Variants in PHKB observed in about 807,000 individuals in gnomAD.
The protein encoded by PHKB is phosphorylase b kinase regulatory subunit beta.
Under a neutral mutation model 152.1 loss-of-function variants are expected in PHKB, and 122 were observed. That is an observed-to-expected ratio of 0.80 (90% CI 0.69 to 0.93). PHKB has a LOEUF of 0.93. PHKB is among the 40% of genes least tolerant of loss of function. The pLI is 0.00. For synonymous variants in PHKB, 436 were observed against 464.9 expected (o/e 0.94, Z 0.80); for missense variants, 1,304 against 1,328.4 (o/e 0.98, Z 0.29).
chr16:47,621,598 A>T (rs1269148065), intron 14 of PHKB, among the ~76,000 whole-genome samples: 2 of 152,230 alleles, frequency 1.3e-5, no homozygotes, highest in Admixed American at 1.3e-4. Flanking sequence ...AAAAAATAAC[A>T]ACAACAACTT....
chr16:47,586,716 T>C (rs1292759959), intron 8 of PHKB, among the ~76,000 whole-genome samples: 2 of 152,152 alleles, frequency 1.3e-5, no homozygotes, highest in Non-Finnish European at 1.5e-5. Context: ...ACATGAAATT[T>C]ATAATTCTCT....
At chr16:47,694,978 T>G (rs1263776042) in intron 28 of PHKB, among the ~76,000 whole-genome samples, 1 of 152,208 alleles carries the variant, frequency 6.6e-6, no homozygotes, top group African/African-American at 2.4e-5. Context: ...CACCAAGCAC[T>G]TTTCTAAGTG....
chr16:47,669,512 T>C, intron 26 of PHKB, 95 bp downstream of exon 26: 2 of 1,096,626 alleles, frequency 1.8e-6, no homozygotes, highest in Admixed American at 1.7e-5. Flanking sequence ...TCCTGGTGTC[T>C]GGTGAGTATT....
At chr16:47,657,443 G>C (rs1485516488) in intron 20 of PHKB, among the ~76,000 whole-genome samples, 1 of 152,168 alleles carries the variant, frequency 6.6e-6, no homozygotes, top group Non-Finnish European at 1.5e-5. Context: ...AGGTAGGATG[G>C]TCTGTTGGAA....
intron 7 of PHKB, among the ~76,000 whole-genome samples, chr16:47,572,412 A>G (rs1971676801): frequency 6.6e-6 from 1 of 152,036 alleles, no homozygotes. Context: ...GTAACACTCT[A>G]TTTGGGATGT....
rs1014249904 is a variant in PHKB at position 47,696,658 on chromosome 16, C to T, written c.3003+170C>T. Among the ~76,000 whole-genome samples, 6 of 152,196 alleles carry T rather than the reference C, an allele frequency of 3.9e-5. No homozygotes were observed. The South Asian group carries it at 8.3e-4, about 21-fold the overall frequency. On this transcript the variant is annotated intron_variant, in intron 29 of 30. Coordinates refer to ENST00000323584, the MANE Select transcript of PHKB (RefSeq NM_000293.3). ...TTCCGGAACCTTGATCTCTCCCAGC[C>T]GAGTCCTCAAGAAGATGGCCACCCC... is the stretch of plus-strand genomic sequence containing the variant.
chr16:47,593,779 C>T (rs1172123566), intron 11 of PHKB, among the ~76,000 whole-genome samples: 1 of 151,912 alleles, frequency 6.6e-6, no homozygotes, highest in African/African-American at 2.4e-5. Context: ...CACTTGGAAG[C>T]ATTTAAAAAA....
At chr16:47,546,025 A>G (rs1299121347) in intron 6 of PHKB, among the ~76,000 whole-genome samples, 5 of 152,198 alleles carry the variant, frequency 3.3e-5, no homozygotes, top group African/African-American at 4.8e-5. Context: ...CTTCCTTGCA[A>G]TGGGTTCTAA....
chr16:47,470,640 T>G (rs1485508032), intron 1 of PHKB, among the ~76,000 whole-genome samples: 1 of 152,216 alleles, frequency 6.6e-6, no homozygotes, highest in Non-Finnish European at 1.5e-5. Context: ...GGAAGTAAAG[T>G]AACTTACTTA....
At chr16:47,641,135 G>A in intron 15 of PHKB, 45 bp downstream of exon 15, 1 of 1,444,346 alleles carries the variant, frequency 6.9e-7, no homozygotes, top group African/African-American at 1.4e-5. Flanking sequence ...GGGGAGGGGA[G>A]GGGAGGGGAA....
At chr16:47,610,159 ATTTTTT>A (rs371224839) in intron 13 of PHKB, among the ~76,000 whole-genome samples, 79 of 99,430 alleles carry the variant, frequency 7.9e-4, no homozygotes, top group African/African-American at 2.7e-3. Context: ...TGCCCAGCTA[ATTTTTT>A]TTTTTTTTTT....
chr16:47,488,753 G>T (rs1159440050), intron 1 of PHKB, among the ~76,000 whole-genome samples: 1 of 152,140 alleles, frequency 6.6e-6, no homozygotes, highest in East Asian at 1.9e-4. Context: ...TCTGGTGGTT[G>T]TAGGTGTGCA....
At chr16:47,513,886 G>A (rs1038323715) in intron 5 of PHKB, among the ~76,000 whole-genome samples, 8 of 152,114 alleles carry the variant, frequency 5.3e-5, no homozygotes, top group Non-Finnish European at 1.2e-4. Flanking sequence ...CCTATTTAAA[G>A]TATATAGTTT....
At chr16:47,665,603 T>C in intron 25 of PHKB, 1 of 361,508 alleles carries the variant, frequency 2.8e-6, no homozygotes, top group Non-Finnish European at 5.2e-6. Context: ...TAATGCAAAA[T>C]CAGAATACCC....
At chr16:47,662,410 A>C (rs1216459030) in intron 23 of PHKB, among the ~76,000 whole-genome samples, 2 of 152,210 alleles carry the variant, frequency 1.3e-5, no homozygotes, top group Admixed American at 6.5e-5. Flanking sequence ...ATACAGAATA[A>C]TACAGAATAC....
At chr16:47,647,646 C>T (rs760721872) in intron 16 of PHKB, among the ~76,000 whole-genome samples, 6 of 151,722 alleles carry the variant, frequency 4.0e-5, no homozygotes, top group African/African-American at 1.5e-4. Context: ...TACAGGCACC[C>T]GCCACCACGC....
At chr16:47,581,505 A>G (rs1022706216) in intron 8 of PHKB, among the ~76,000 whole-genome samples, 15 of 152,292 alleles carry the variant, frequency 9.8e-5, no homozygotes, top group South Asian at 4.1e-4. Flanking sequence ...TCTGTACTCA[A>G]TTCCACCAGT....
At chr16:47,598,637 C>T in intron 13 of PHKB, 1 of 1,439,686 alleles carries the variant, frequency 6.9e-7, no homozygotes, top group Non-Finnish European at 9.7e-7. Flanking sequence ...ATCAACACAC[C>T]AAAGTCACTT....
chr16:47,645,506 C>G (rs1973100488), intron 16 of PHKB, among the ~76,000 whole-genome samples: 1 of 128,346 alleles, frequency 7.8e-6, no homozygotes, highest in Non-Finnish European at 1.6e-5. Flanking sequence ...TCAGGTTTGT[C>G]AAAGATCAGA....
Sources: gnomAD v4.1 joint callset for allele counts (sites outside exome capture counted in the v4.1 genomes callset) on GRCh38, gnomAD v4.1.1 for gene constraint, MANE v1.5 for transcripts, NCBI Gene and HGNC (gene_info 2026-07-23, HGNC 2026-07-21) for gene names.